ABTB3: variants seen among roughly 807,000 people sequenced by gnomAD.
The protein encoded by ABTB3 is ankyrin repeat and BTB domain containing 3.
the ABTB3 span, among the ~76,000 whole-genome samples, chr12:107,599,323 C>T: frequency 2.0e-5 from 3 of 152,240 alleles, no homozygotes; most frequent in African/African-American, 7.2e-5. Flanking sequence ...ATGTACTGTT[C>T]TCCCCATTTA....
At chr12:107,394,146 T>C in the ABTB3 span, among the ~76,000 whole-genome samples, 1 of 152,070 alleles carries the variant, frequency 6.6e-6, no homozygotes, top group African/African-American at 2.4e-5. Context: ...CCCAAACAGG[T>C]TTCCCCAGGT....
At chr12:107,429,065 A>G in the ABTB3 span, among the ~76,000 whole-genome samples, 1 of 152,218 alleles carries the variant, frequency 6.6e-6, no homozygotes, top group African/African-American at 2.4e-5. Context: ...GCATCCTTAA[A>G]TTAGGAGGAC....
At chr12:107,503,851 G>T in the ABTB3 span, among the ~76,000 whole-genome samples, 1 of 151,816 alleles carries the variant, frequency 6.6e-6, no homozygotes, top group East Asian at 1.9e-4. Flanking sequence ...GGAAGAAAAT[G>T]TCCAAAAAGG....
At chr12:107,569,041 G>A in the ABTB3 span, among the ~76,000 whole-genome samples, 5 of 152,226 alleles carry the variant, frequency 3.3e-5, no homozygotes, top group Non-Finnish European at 4.4e-5. Context: ...AATGCAGGGT[G>A]ATGTGAGTCC....
At chr12:107,602,677 A>T in the ABTB3 span, among the ~76,000 whole-genome samples, 2 of 152,226 alleles carry the variant, frequency 1.3e-5, no homozygotes, top group African/African-American at 4.8e-5. Flanking sequence ...TTATGCTCAT[A>T]ATTTCTATGC....
At chr12:107,384,035 A>C in the ABTB3 span, among the ~76,000 whole-genome samples, 2 of 152,168 alleles carry the variant, frequency 1.3e-5, no homozygotes, top group Admixed American at 1.3e-4. Flanking sequence ...AGGTGTGCTG[A>C]GCATGCTGGG....
the ABTB3 span, among the ~76,000 whole-genome samples, chr12:107,642,815 CCTT>C: frequency 0.18 from 28,063 of 151,982 alleles, 2,783 homozygotes; most frequent in Non-Finnish European, 0.23. Context: ...GACCATTTCT[CCTT>C]CTGTTTGGGG....
At chr12:107,462,875 G>A in the ABTB3 span, among the ~76,000 whole-genome samples, 2 of 151,722 alleles carry the variant, frequency 1.3e-5, no homozygotes, top group African/African-American at 2.4e-5. Context: ...TAATAGTAGT[G>A]ACAATGATGA....
chr12:107,429,938 T>C, the ABTB3 span, among the ~76,000 whole-genome samples: 1 of 152,216 alleles, frequency 6.6e-6, no homozygotes, highest in South Asian at 2.1e-4. Flanking sequence ...TATTTTTAAA[T>C]AGCATGTTTT....
At chr12:107,532,002 C>T in the ABTB3 span, among the ~76,000 whole-genome samples, 11,248 of 152,210 alleles carry the variant, frequency 0.074, 567 homozygotes, top group African/African-American at 0.14. Flanking sequence ...AGTCTGCCTC[C>T]AGGACATAGG....
the ABTB3 span, among the ~76,000 whole-genome samples, chr12:107,390,651 G>A: frequency 3.3e-5 from 5 of 152,228 alleles, no homozygotes; most frequent in Non-Finnish European, 7.3e-5. Flanking sequence ...ATACTGGTTA[G>A]TGCTGACATG....
chr12:107,601,668 T>C, the ABTB3 span, among the ~76,000 whole-genome samples: 1 of 152,162 alleles, frequency 6.6e-6, no homozygotes, highest in Admixed American at 6.5e-5. Context: ...TGACTCCTAC[T>C]CAGCTGTGTG....
chr12:107,640,518 C>A, the ABTB3 span: 2 of 650,676 alleles, frequency 3.1e-6, no homozygotes, highest in South Asian at 4.8e-5. Context: ...ACTGGCTGGT[C>A]ATCTTCACAA....
chr12:107,654,275 T>C, the ABTB3 span, among the ~76,000 whole-genome samples: 6 of 152,222 alleles, frequency 3.9e-5, no homozygotes, highest in Admixed American at 3.9e-4. Context: ...TCTGTTCAAA[T>C]CCCTGTTTTT....
chr12:107,469,629 A>T, the ABTB3 span, among the ~76,000 whole-genome samples: 1 of 152,178 alleles, frequency 6.6e-6, no homozygotes, highest in Non-Finnish European at 1.5e-5. Context: ...CACAGAGTTG[A>T]GGTTCCCCCA....
the ABTB3 span, among the ~76,000 whole-genome samples, chr12:107,482,985 TTTCC>T: frequency 0.28 from 5,814 of 20,602 alleles, 724 homozygotes; most frequent in Non-Finnish European, 0.4. Flanking sequence ...TCTTTCTTTC[TTTCC>T]TTCCTTCCTT....
At chr12:107,455,536 T>G in the ABTB3 span, among the ~76,000 whole-genome samples, 2 of 152,166 alleles carry the variant, frequency 1.3e-5, no homozygotes, top group Non-Finnish European at 2.9e-5. Context: ...CTATTCCAGT[T>G]CTCAGTAGAG....
chr12:107,585,382 G>C, the ABTB3 span, among the ~76,000 whole-genome samples: 3 of 152,132 alleles, frequency 2.0e-5, no homozygotes, highest in Admixed American at 2.0e-4. Flanking sequence ...GACTCAGGAG[G>C]CCTGAGTCAT....
the ABTB3 span, chr12:107,544,145 A>G: frequency 3.7e-6 from 6 of 1,613,122 alleles, no homozygotes. Flanking sequence ...GAAAGGTAAG[A>G]ACTGCCTTGC....
Sources: gnomAD v4.1 joint callset for allele counts (sites outside exome capture counted in the v4.1 genomes callset) on GRCh38, gnomAD v4.1.1 for gene constraint, MANE v1.5 for transcripts, NCBI Gene and HGNC (gene_info 2026-07-23, HGNC 2026-07-21) for gene names.